The following RFX7 variants were observed in gnomAD, a reference collection of about 807,000 sequenced individuals.
RFX7 encodes regulatory factor X7.
Under a neutral mutation model 111.8 loss-of-function variants are expected in RFX7, and 26 were observed. That is an observed-to-expected ratio of 0.23 (90% CI 0.17 to 0.32). The LOEUF is 0.32. RFX7 is among the 10% of genes least tolerant of loss of function. The pLI is 1.00. For missense variants in RFX7, 1,573 were observed against 1,772.9 expected (o/e 0.89, Z 2.02); for synonymous variants, 624 against 624.4 (o/e 1.00, Z 0.01).
chr15:56,208,575 T>C (rs1314283108), intron 2 of RFX7, among the ~76,000 whole-genome samples: 1 of 152,184 alleles, frequency 6.6e-6, no homozygotes, highest in Non-Finnish European at 1.5e-5. Flanking sequence ...AGCAAAAACA[T>C]AGTCCAATGT....
chr15:56,223,490 C>T (rs2043447605), intron 2 of RFX7, among the ~76,000 whole-genome samples: 1 of 152,100 alleles, frequency 6.6e-6, no homozygotes, highest in Admixed American at 6.6e-5. Flanking sequence ...CCAAATAAAA[C>T]CCAGTTGCTT....
chr15:56,113,354 A>G (rs1294963503), intron 5 of RFX7, among the ~76,000 whole-genome samples: 1 of 152,230 alleles, frequency 6.6e-6, no homozygotes, highest in Non-Finnish European at 1.5e-5. Flanking sequence ...TTGCAGGGAC[A>G]TGGATCAAGC....
chr15:56,116,502 A>T (rs1361670155), intron 5 of RFX7, among the ~76,000 whole-genome samples: 1 of 152,250 alleles, frequency 6.6e-6, no homozygotes, highest in Non-Finnish European at 1.5e-5. Flanking sequence ...GCTGTAATGT[A>T]AACAGTATGA....
intron 2 of RFX7, among the ~76,000 whole-genome samples, chr15:56,223,558 T>C (rs1437587672): frequency 1.3e-5 from 2 of 152,152 alleles, no homozygotes; most frequent in Non-Finnish European, 2.9e-5. Flanking sequence ...TTAACACCCA[T>C]TACCCCATTA....
chr15:56,211,254 A>G (rs2141197464), intron 2 of RFX7, among the ~76,000 whole-genome samples: 1 of 152,268 alleles, frequency 6.6e-6, no homozygotes, highest in South Asian at 2.1e-4. Context: ...TCACAGAAAT[A>G]TAGCCAACTG....
rs753392287 is a variant in RFX7, at chr15:56,093,946, T to C, written c.3782A>G (p.Asn1261Ser). The C allele has an allele frequency of 2.5e-6, 4 of 1,613,858 alleles. No individual in the cohort carries two copies. The highest frequency in any genetic ancestry group is 1.7e-5 in the Admixed American group (1 of 60,006). The change falls in exon 10 of 10, where the codon AAT (asparagine) becomes AGT (serine). Residue 1261 changes from asparagine to serine, a missense_variant. Coordinates refer to ENST00000559447, the MANE Select transcript of RFX7 (RefSeq NM_022841.7). Reference sequence around the variant, plus strand: ...TCCCAAACCTCTCACTGCATCATCATTGTCGGAATCAAGTTTACTCAACAA... The same window carrying C: ...TCCCAAACCTCTCACTGCATCATCACTGTCGGAATCAAGTTTACTCAACAA... Reference protein sequence around the residue: ...NVLLSKLDSDNDDAVRGLGMN... With the variant: ...NVLLSKLDSDSDDAVRGLGMN...
chr15:56,131,832 A>G (rs1483640527), intron 5 of RFX7, among the ~76,000 whole-genome samples: 1 of 152,200 alleles, frequency 6.6e-6, no homozygotes, highest in Non-Finnish European at 1.5e-5. Flanking sequence ...AAGAAGATTC[A>G]CAGGATAAAC....
chr15:56,197,037 C>T (rs1318431045), intron 2 of RFX7, among the ~76,000 whole-genome samples: 1 of 152,148 alleles, frequency 6.6e-6, no homozygotes, highest in East Asian at 1.9e-4. Context: ...ACTGATTTCT[C>T]TCTATCCTCT....
At chr15:56,217,255 T>C (rs937152051) in intron 2 of RFX7, among the ~76,000 whole-genome samples, 1 of 152,154 alleles carries the variant, frequency 6.6e-6, no homozygotes, top group Admixed American at 6.5e-5. Context: ...ATCTCCTAAA[T>C]AACAATTTCA....
At chr15:56,115,905 G>A (rs1211716763) in intron 5 of RFX7, among the ~76,000 whole-genome samples, 8 of 150,720 alleles carry the variant, frequency 5.3e-5, no homozygotes, top group African/African-American at 2.0e-4. Context: ...TCGTGCCACT[G>A]CACTCCAGCC....
intron 5 of RFX7, among the ~76,000 whole-genome samples, chr15:56,111,259 A>G (rs1418384513): frequency 6.6e-6 from 1 of 150,614 alleles, no homozygotes; most frequent in Non-Finnish European, 1.5e-5. Flanking sequence ...GTGTCTGTGT[A>G]GAAAGAGGTA....
At chr15:56,201,146 T>G (rs1284617010) in intron 2 of RFX7, among the ~76,000 whole-genome samples, 1 of 152,180 alleles carries the variant, frequency 6.6e-6, no homozygotes, top group East Asian at 1.9e-4. Flanking sequence ...TTCTTAAAAC[T>G]GTAGCTAAAA....
In RFX7 at chr15:56,233,575, A is replaced by G. The variant is rs141397055; in HGVS notation, c.161+9550T>C. On this transcript the variant is annotated intron_variant, in intron 2 of 9. Transcript: ENST00000559447. ...CACGAGGATGAGAGAAAAATAAAAG[A>G]TGAAACCAATGCTGCCAGACTGATG... 1.1e-3 allele frequency among the ~76,000 whole-genome samples: 165 copies of G among 152,340 alleles called. 1 individual carries two copies. Among genetic ancestry groups the G allele is most frequent in the African/African-American group, 3.8e-3 (158 of 41,592 alleles).
At chr15:56,242,852 CAAT>C (rs1204940499) in intron 2 of RFX7, among the ~76,000 whole-genome samples, 2 of 152,178 alleles carry the variant, frequency 1.3e-5, no homozygotes, top group African/African-American at 4.8e-5. Flanking sequence ...ATTTCTGTTA[CAAT>C]GAGTGAAAAA....
chr15:56,233,885 G>T lies in RFX7; in HGVS notation c.161+9240C>A, dbSNP rs555599523. On this transcript the variant is annotated intron_variant, in intron 2 of 9. Coordinates refer to ENST00000559447, the MANE Select transcript of RFX7 (RefSeq NM_022841.7). Reference sequence around the variant, plus strand: ...TGTACATCGAAACTTAACATGAGAGGATTGTGATTAGTTAGTGGAAATCCT... The same window carrying T: ...TGTACATCGAAACTTAACATGAGAGTATTGTGATTAGTTAGTGGAAATCCT... Among the ~76,000 whole-genome samples the T allele has an allele frequency of 3.5e-4, 54 of 152,250 alleles. 2 individuals are homozygous for T. The South Asian group carries it at 0.011, about 31-fold the overall frequency.
chr15:56,101,865 C>A (rs1246818381), intron 7 of RFX7, among the ~76,000 whole-genome samples: 2 of 152,126 alleles, frequency 1.3e-5, no homozygotes, highest in Non-Finnish European at 2.9e-5. Context: ...CACATTTTTT[C>A]TAAAATTCCT....
intron 2 of RFX7, 63 bp downstream of exon 2, chr15:56,243,062 C>A: frequency 2.9e-6 from 3 of 1,049,046 alleles, no homozygotes; most frequent in South Asian, 1.3e-5. Flanking sequence ...CGCCGCCCCC[C>A]ACCCACTTTG....
chr15:56,149,090 A>AC (rs2141041341), intron 3 of RFX7, among the ~76,000 whole-genome samples: 1 of 151,998 alleles, frequency 6.6e-6, no homozygotes, highest in East Asian at 1.9e-4. Context: ...CTCAAAAAAA[A>AC]AAAAAAAAAA....
chr15:56,191,688 T>TG (rs1555424708), intron 2 of RFX7, among the ~76,000 whole-genome samples: 3 of 151,958 alleles, frequency 2.0e-5, no homozygotes, highest in Non-Finnish European at 2.9e-5. Context: ...TGATTTCTTG[T>TG]GGGAAAAAAA....
Sources: gnomAD v4.1 joint callset for allele counts (sites outside exome capture counted in the v4.1 genomes callset) on GRCh38, gnomAD v4.1.1 for gene constraint, MANE v1.5 for transcripts, NCBI Gene and HGNC (gene_info 2026-07-23, HGNC 2026-07-21) for gene names.